Variants in FUT9 observed in about 807,000 individuals in gnomAD.
FUT9 encodes the protein 4-galactosyl-N-acetylglucosaminide 3-alpha-L-fucosyltransferase 9.
In FUT9, 15 loss-of-function variants were observed where a neutral mutation model predicts 29.7. The ratio of observed to expected loss-of-function variants is 0.51; its 90% CI spans 0.34 to 0.78. The LOEUF is 0.78. FUT9 is among the 30% of genes least tolerant of loss of function. The pLI is 0.01. For synonymous variants in FUT9, 169 were observed against 153.7 expected (o/e 1.10, Z -0.74); for missense variants, 319 against 425.4 (o/e 0.75, Z 2.20).
At chr6:96,122,947 C>T (rs1772057593) in intron 2 of FUT9, among the ~76,000 whole-genome samples, 1 of 151,604 alleles carries the variant, frequency 6.6e-6, no homozygotes, top group South Asian at 2.1e-4. Flanking sequence ...GTAGTCCCAG[C>T]CACTCGGGAG....
At position 96,205,406 on chromosome 6, in the gene FUT9, AG is replaced by A. The variant is rs1438533988; in HGVS notation, c.*1173del. 6.0e-6 allele frequency: 1 copy of A among 167,082 alleles called. No homozygotes were observed. The highest frequency in any genetic ancestry group is 1.5e-5 in the Non-Finnish European group (1 of 68,116). 10.3% of individuals were successfully genotyped at this position (167,082 alleles called of 1,614,324 possible). ...AATTCCCAGAAAAATGATTGTTTCA[AG>A]GAAGTGACAGTTCTACTTTAGAAGT... On this transcript the variant is annotated 3_prime_UTR_variant, in exon 3 of 3. Coordinates refer to ENST00000302103, the MANE Select transcript of FUT9 (RefSeq NM_006581.4).
At chr6:96,108,943 T>C (rs144503575) in intron 1 of FUT9, among the ~76,000 whole-genome samples, 2 of 152,220 alleles carry the variant, frequency 1.3e-5, no homozygotes, top group South Asian at 2.1e-4. Context: ...GGAACCCTTA[T>C]GGCCATAACC....
intron 2 of FUT9, among the ~76,000 whole-genome samples, chr6:96,129,336 C>A (rs1300814726): frequency 6.7e-6 from 1 of 148,774 alleles, no homozygotes; most frequent in Non-Finnish European, 1.5e-5. Context: ...TCCCAGCTAT[C>A]CGGGAGGCAG....
rs1773942996 is a variant in FUT9 at position 96,211,839 on chromosome 6, T to C, written c.*7604T>C. On this transcript the variant is annotated 3_prime_UTR_variant, in exon 3 of 3. Transcript: ENST00000302103. ...TCCTTTAAAGAGTATTAGAAATGTC[T>C]GTTATGTCAGTAACATTAGAAAACT... is the stretch of plus-strand genomic sequence containing the variant. 5.6e-6 allele frequency: 2 copies of C among 358,162 alleles called. No homozygotes were observed. Among genetic ancestry groups the C allele is most frequent in the Admixed American group, 4.7e-5 (1 of 21,266 alleles). The allele number at this position is 358,162 out of a possible 1,614,324, so 22.2% of individuals were successfully genotyped here.
rs370721616 is a variant in FUT9, at chr6:96,105,010, G to C, written c.-97-9029G>C. ...CGTATCAGGCAATCTGGGTTCTTCC[G>C]TGCTTACTTAGAGTCAGATTTATTC... is the stretch of plus-strand genomic sequence containing the variant. On this transcript the variant is annotated intron_variant, in intron 1 of 2. Transcript: ENST00000302103. Among the ~76,000 whole-genome samples, 103 of 152,258 alleles carry C rather than the reference G, an allele frequency of 6.8e-4. 1 individual carries two copies. The highest frequency in any genetic ancestry group is 2.3e-3 in the East Asian group (12 of 5,186).
chr6:96,084,997 C>T (rs1382539535), intron 1 of FUT9, among the ~76,000 whole-genome samples: 1 of 152,022 alleles, frequency 6.6e-6, no homozygotes, highest in African/African-American at 2.4e-5. Flanking sequence ...AATTTCTATC[C>T]ACATTGCTAA....
At chr6:96,066,829 G>T (rs1464510064) in intron 1 of FUT9, among the ~76,000 whole-genome samples, 1 of 152,096 alleles carries the variant, frequency 6.6e-6, no homozygotes. Context: ...AATATTCAGA[G>T]AAACTGTGTG....
chr6:96,020,396 C>G (rs1006411883), intron 1 of FUT9, among the ~76,000 whole-genome samples: 1 of 152,040 alleles, frequency 6.6e-6, no homozygotes, highest in African/African-American at 2.4e-5. Context: ...GAGAAGGTTT[C>G]GTATCCATAT....
intron 2 of FUT9, among the ~76,000 whole-genome samples, chr6:96,202,095 T>G (rs1486204478): frequency 2.0e-5 from 3 of 151,996 alleles, no homozygotes; most frequent in African/African-American, 7.2e-5. Flanking sequence ...AGAAGCAACA[T>G]GAATTTCAAA....
chr6:96,055,539 T>A (rs1251523717), intron 1 of FUT9, among the ~76,000 whole-genome samples: 1 of 151,956 alleles, frequency 6.6e-6, no homozygotes, highest in Non-Finnish European at 1.5e-5. Context: ...TCCTTTTTTT[T>A]TAACTTTATT....
intron 1 of FUT9, among the ~76,000 whole-genome samples, chr6:96,048,830 C>G (rs1770613166): frequency 6.6e-6 from 1 of 152,110 alleles, no homozygotes; most frequent in South Asian, 2.1e-4. Context: ...TCTGATTTTC[C>G]TGAGTGGTGC....
chr6:96,171,237 T>A (rs1035714394), intron 2 of FUT9, among the ~76,000 whole-genome samples: 1 of 152,220 alleles, frequency 6.6e-6, no homozygotes, highest in Non-Finnish European at 1.5e-5. Context: ...AGCATTTATC[T>A]GTCAGTTCCA....
chr6:96,054,037 G>A (rs77757684), intron 1 of FUT9, among the ~76,000 whole-genome samples: 5,016 of 152,238 alleles, frequency 0.033, 295 homozygotes, highest in African/African-American at 0.11. Context: ...GTCATAAGGT[G>A]TTGCAATAGA....
At chr6:96,104,713 G>A (rs1440704498) in intron 1 of FUT9, among the ~76,000 whole-genome samples, 1 of 151,968 alleles carries the variant, frequency 6.6e-6, no homozygotes, top group Non-Finnish European at 1.5e-5. Flanking sequence ...TGTGTTTTCA[G>A]TAGAGACGGA....
intron 2 of FUT9, among the ~76,000 whole-genome samples, chr6:96,120,677 G>A (rs1224138446): frequency 3.4e-5 from 4 of 117,488 alleles, no homozygotes; most frequent in African/African-American, 1.3e-4. Flanking sequence ...TAAAATATTT[G>A]CAGTTTTGAC....
chr6:96,088,145 C>T (rs147053000), intron 1 of FUT9, among the ~76,000 whole-genome samples: 196 of 152,092 alleles, frequency 1.3e-3, no homozygotes, highest in Non-Finnish European at 2.3e-3. Context: ...ATGTAAATGA[C>T]AAGTTGATGG....
intron 1 of FUT9, among the ~76,000 whole-genome samples, chr6:96,030,140 A>G (rs1219158161): frequency 6.6e-6 from 1 of 151,652 alleles, no homozygotes; most frequent in African/African-American, 2.4e-5. Context: ...AAACAGTTTG[A>G]CATAAATGAT....
At chr6:96,131,476 G>T (rs938999210) in intron 2 of FUT9, among the ~76,000 whole-genome samples, 32 of 152,104 alleles carry the variant, frequency 2.1e-4, no homozygotes, top group African/African-American at 7.5e-4. Context: ...ACACACCTTT[G>T]TTTCAAATCG....
chr6:96,151,544 C>G (rs973346162), intron 2 of FUT9, among the ~76,000 whole-genome samples: 1 of 152,150 alleles, frequency 6.6e-6, no homozygotes, highest in African/African-American at 2.4e-5. Context: ...TTCCTCCTTG[C>G]TTCAGGGCAC....
Sources: allele counts gnomAD v4.1 joint callset (sites outside exome capture counted in the v4.1 genomes callset), GRCh38; gene constraint gnomAD v4.1.1; transcripts MANE v1.5; gene names NCBI Gene and HGNC (gene_info 2026-07-23, HGNC 2026-07-21).